Variants in CRBN observed in about 807,000 individuals in gnomAD.
CRBN encodes the protein cereblon, also known as protein cereblon.
Under a neutral mutation model 62.2 loss-of-function variants are expected in CRBN, and 53 were observed. The ratio of observed to expected loss-of-function variants is 0.85; its 90% CI spans 0.68 to 1.07. The LOEUF (loss-of-function observed/expected upper bound fraction) is 1.07. Among genes scored for constraint, CRBN ranks in the 50% least tolerant of loss-of-function variants. The pLI is 0.00. For synonymous variants in CRBN, 208 were observed against 176.1 expected, an observed-to-expected ratio of 1.18 and a Z score of -1.43; for missense variants, 616 against 531.1, an observed-to-expected ratio of 1.16 and a Z score of -1.57.
Position 3,154,109 on chromosome 3 carries a change from G to A in CRBN, c.836-34C>T, listed in dbSNP as rs774735724. On this transcript the variant is annotated intron_variant, in intron 7 of 10. Coordinates refer to ENST00000231948, the MANE Select transcript of CRBN (RefSeq NM_016302.4). The stretch of plus-strand genomic sequence containing the variant: ...CATGGTTTTTCAAGTTTTAAACTTA[G>A]GAGTCAGATAAGCATCAGAGAACTT... 8.6e-6 allele frequency: 11 copies of A among 1,271,820 alleles called. No homozygotes were observed. In the East Asian group the frequency reaches 1.4e-4, roughly 16 times the overall value. 78.8% of individuals were successfully genotyped at this position (1,271,820 alleles called of 1,614,324 possible). A position where few individuals can be genotyped will look rare whatever the true frequency, so the allele number is the denominator to read the frequency against.
intron 5 of CRBN, among the ~76,000 whole-genome samples, chr3:3,164,377 T>C (rs1345710327): frequency 6.6e-6 from 1 of 152,192 alleles, no homozygotes; most frequent in Non-Finnish European, 1.5e-5. Flanking sequence ...ATTACTGATA[T>C]GGAGAAAGTT....
At chr3:3,178,154 G>C (rs920828672) in intron 1 of CRBN, among the ~76,000 whole-genome samples, 1 of 152,122 alleles carries the variant, frequency 6.6e-6, no homozygotes, top group Non-Finnish European at 1.5e-5. Context: ...CATTCTCCCT[G>C]AAACACCGGA....
intron 2 of CRBN, 75 bp from the exon 3 acceptor site, chr3:3,174,336 C>A: frequency 8.5e-7 from 1 of 1,176,668 alleles, no homozygotes; most frequent in Non-Finnish European, 1.3e-6. Context: ...GACTAAAGAG[C>A]AAATCACATT....
chr3:3,165,540 C>A (rs887021868), intron 5 of CRBN, among the ~76,000 whole-genome samples: 1 of 152,210 alleles, frequency 6.6e-6, no homozygotes, highest in Non-Finnish European at 1.5e-5. Context: ...TTATGATTCA[C>A]TGAAGGCTCA....
chr3:3,167,682 G>A lies in CRBN; in HGVS notation c.639C>T (p.Val213=). ...NKCQIFPSKP[V]SREDQCSYKW... ...TATATGAACATTGGTCTTCTCTTGAGACAGGTTTTGAAGGAAATATCTGGC... is the reference window on the plus strand; with the variant it reads ...TATATGAACATTGGTCTTCTCTTGAAACAGGTTTTGAAGGAAATATCTGGC... The change falls in exon 5 of 11, where the codon GTC becomes GTT. Residue 213 remains valine (V), a synonymous_variant. Coordinates refer to ENST00000231948, the MANE Select transcript of CRBN (RefSeq NM_016302.4). The A allele has an allele frequency of 6.2e-7, 1 of 1,613,494 alleles. No individual in the cohort carries two copies. Among genetic ancestry groups the A allele is most frequent in the African/African-American group, 1.3e-5 (1 of 75,014 alleles).
intron 2 of CRBN, among the ~76,000 whole-genome samples, chr3:3,174,848 CA>C (rs1394356966): frequency 6.6e-6 from 1 of 152,092 alleles, no homozygotes; most frequent in African/African-American, 2.4e-5. Context: ...TCTATGCCCA[CA>C]TATCACAAAC....
At chr3:3,153,795 T>G (rs1248254740) in intron 8 of CRBN, 165 bp downstream of exon 8, 1 of 652,364 alleles carries the variant, frequency 1.5e-6, no homozygotes. Context: ...TATTCATATT[T>G]GACAAACACA....
At chr3:3,159,070 T>C (rs773731993) in intron 5 of CRBN, among the ~76,000 whole-genome samples, 2 of 152,216 alleles carry the variant, frequency 1.3e-5, no homozygotes, top group Non-Finnish European at 2.9e-5. Context: ...CTTCCCCTTC[T>C]GCCATGATGG....
intron 2 of CRBN, among the ~76,000 whole-genome samples, chr3:3,174,891 C>T (rs969088830): frequency 2.6e-5 from 4 of 152,154 alleles, no homozygotes; most frequent in Admixed American, 2.6e-4. Flanking sequence ...TGTTCAATAA[C>T]ACTCTAGTAC....
chr3:3,161,380 T>C (rs1207081744), intron 5 of CRBN, among the ~76,000 whole-genome samples: 1 of 152,184 alleles, frequency 6.6e-6, no homozygotes, highest in Non-Finnish European at 1.5e-5. Context: ...ACTTATCAGA[T>C]CAGCAAACAT....
At chr3:3,177,645 T>C (rs1419946798) in intron 1 of CRBN, among the ~76,000 whole-genome samples, 1 of 152,262 alleles carries the variant, frequency 6.6e-6, no homozygotes, top group African/African-American at 2.4e-5. Context: ...GATAAACTAT[T>C]AGCTCAAAGG....
chr3:3,166,596 C>G (rs189840643), intron 5 of CRBN, among the ~76,000 whole-genome samples: 1 of 152,086 alleles, frequency 6.6e-6, no homozygotes, highest in Non-Finnish European at 1.5e-5. Context: ...TTATTAGAAT[C>G]TTCCTTAGAA....
rs529644553 is a variant in CRBN at position 3,164,929 on chromosome 3, G to C, written c.687+2705C>G. The stretch of plus-strand genomic sequence containing the variant: ...AGTAAATTGAAAACCTTCTGAAAAA[G>C]AGTCACCATTCTAGGTGCCATTAAG... On this transcript the variant is annotated intron_variant, in intron 5 of 10. Coordinates refer to ENST00000231948, the MANE Select transcript of CRBN (RefSeq NM_016302.4). Among the ~76,000 whole-genome samples the C allele has an allele frequency of 2.6e-5, 4 of 152,292 alleles. No homozygotes were observed. In the South Asian group the frequency reaches 8.3e-4, roughly 32 times the overall value.
chr3:3,154,164 A>G lies in CRBN; in HGVS notation c.836-89T>C, dbSNP rs538362077. ...ATCGGATAATATCCTTTTGAAATAA[A>G]CCCTTCTCTTTAAGGTTACACATTT... is the stretch of plus-strand genomic sequence containing the variant. On this transcript the variant is annotated intron_variant, in intron 7 of 10. Transcript: ENST00000231948. 1.0e-5 allele frequency: 8 copies of G among 787,118 alleles called. 2 individuals carry two copies. In the South Asian group the frequency reaches 1.1e-4, roughly 11 times the overall value. 48.8% of individuals were successfully genotyped at this position (787,118 alleles called of 1,614,324 possible). A position where few individuals can be genotyped will look rare whatever the true frequency, so the allele number is the denominator to read the frequency against.
At position 3,169,940 on chromosome 3, in the gene CRBN, C is replaced by T. The variant is rs563578924; in HGVS notation, c.528-2147G>A. On this transcript the variant is annotated intron_variant, in intron 4 of 10. Coordinates refer to ENST00000231948, the MANE Select transcript of CRBN (RefSeq NM_016302.4). ...GTTCAGAAGATGCCCACCCCCCCTCCGCCCTCCCCAACCCACACACACTCA... is the reference window on the plus strand; with the variant it reads ...GTTCAGAAGATGCCCACCCCCCCTCTGCCCTCCCCAACCCACACACACTCA... 2.0e-4 allele frequency among the ~76,000 whole-genome samples: 30 copies of T among 152,134 alleles called. 1 individual carries two copies. The highest frequency in any genetic ancestry group is 5.2e-4 in the Admixed American group (8 of 15,274).
intron 6 of CRBN, 124 bp from the exon 7 acceptor site, chr3:3,154,955 GT>G (rs1047635432): frequency 2.9e-6 from 2 of 685,142 alleles, no homozygotes; most frequent in Non-Finnish European, 5.3e-6. Context: ...CTCAGTCCCA[GT>G]TTAAATGCCT....
At chr3:3,161,735 G>A (rs1672764) in intron 5 of CRBN, among the ~76,000 whole-genome samples, 152,225 of 152,364 alleles carry the variant, frequency 1, 76,043 homozygotes, top group Middle Eastern at 1. Context: ...TTTACCCTGT[G>A]AGCCAATAAC....
At chr3:3,159,971 A>G (rs1707068930) in intron 5 of CRBN, among the ~76,000 whole-genome samples, 1 of 152,220 alleles carries the variant, frequency 6.6e-6, no homozygotes, top group Admixed American at 6.5e-5. Flanking sequence ...TACCTCAAGA[A>G]AATTTTAATA....
chr3:3,155,565 AC>A (rs1706850205), intron 6 of CRBN: 1 of 153,032 alleles, frequency 6.5e-6, no homozygotes. Flanking sequence ...GATTCTTTAA[AC>A]CATTTCAGCA....
Sources: allele counts gnomAD v4.1 joint callset (sites outside exome capture counted in the v4.1 genomes callset), GRCh38; gene constraint gnomAD v4.1.1; transcripts MANE v1.5; gene names NCBI Gene and HGNC (gene_info 2026-07-23, HGNC 2026-07-21).